ARSD: variants seen among roughly 807,000 people sequenced by gnomAD.
The protein encoded by ARSD is arylsulfatase D.
A neutral mutation model predicts 32.6 loss-of-function variants in ARSD; 21 were observed. That is an observed-to-expected ratio of 0.64 (90% CI 0.46 to 0.93). The LOEUF (loss-of-function observed/expected upper bound fraction) is 0.93. Ranked by LOEUF, ARSD falls within the 40% of genes least tolerant of loss-of-function variation. The pLI is 0.00. For synonymous variants in ARSD, 224 were observed against 237.4 expected (o/e 0.94, Z 0.52); for missense variants, 454 against 520.9 (o/e 0.87, Z 1.25).
At chrX:2,912,992 A>G (rs1428834641) in intron 6 of ARSD, among the ~76,000 whole-genome samples, 1 of 112,050 alleles carries the variant, frequency 8.9e-6, no homozygotes, top group Non-Finnish European at 1.9e-5. Context: ...ATCCATTTAG[A>G]AAGTTTATTT....
At chrX:2,910,211 C>G (rs1312417804) in intron 7 of ARSD, among the ~76,000 whole-genome samples, 1 of 110,225 alleles carries the variant, frequency 9.1e-6, no homozygotes, top group Non-Finnish European at 1.9e-5. Context: ...CTGTTCTAGT[C>G]GATCTATGCT....
Position 2,914,523 on chromosome X carries a change from A to C in ARSD, c.1000+1033T>G. ...CCAAAATGCTGGGATTAAAGGCATGAGCCACCTTGCCCCACCTGAAAATGC... is the reference window on the plus strand; with the variant it reads ...CCAAAATGCTGGGATTAAAGGCATGCGCCACCTTGCCCCACCTGAAAATGC... On this transcript the variant is annotated intron_variant, in intron 6 of 9. Coordinates refer to ENST00000381154, the MANE Select transcript of ARSD (RefSeq NM_001669.4). 4 of 936,532 alleles carry C rather than the reference A, an allele frequency of 4.3e-6. No individual in the cohort carries two copies. In the South Asian group the frequency reaches 1.0e-4, roughly 24 times the overall value. The allele number at this position is 936,532 out of a possible 1,213,427, so 77.2% of individuals were successfully genotyped here. A position where few individuals can be genotyped will look rare whatever the true frequency, so the allele number is the denominator to read the frequency against.
At position 2,907,609 on chromosome X, in the gene ARSD, A is replaced by G; in HGVS notation, c.1444T>C (p.Tyr482His). ...TCGGGGTGGAACTGCGGGGTCGTGT[A>G]ATGAACCTTCCAGACGCTTCCACCT... ...KDSGSVWKVH[Y>H]TTPQFHPEGA... Residue 482 changes from tyrosine to histidine, a missense_variant, in exon 10 of 10, where the codon TAC (tyrosine) becomes CAC (histidine). This residue lies in a region of ARSD where 179 missense variants were observed against 198.5 expected (regional missense o/e 0.90). Transcript: ENST00000381154. 9.0e-7 allele frequency: 1 copy of G among 1,111,046 alleles called. No individual in the cohort carries two copies. The highest frequency in any genetic ancestry group is 2.3e-5 in the South Asian group (1 of 43,803). The allele number at this position is 1,111,046 out of a possible 1,213,427, so 91.6% of individuals were successfully genotyped here. A position where few individuals can be genotyped will look rare whatever the true frequency, so the allele number is the denominator to read the frequency against.
At chrX:2,926,640 C>T (rs2089084971) in intron 1 of ARSD, among the ~76,000 whole-genome samples, 1 of 111,626 alleles carries the variant, frequency 9.0e-6, no homozygotes, top group African/African-American at 3.3e-5. Context: ...ACTGCCACAT[C>T]GTCAAGCTGA....
At chrX:2,920,551 C>T in intron 4 of ARSD, 50 bp downstream of exon 4, 1 of 1,208,436 alleles carries the variant, frequency 8.3e-7, no homozygotes, top group Non-Finnish European at 1.1e-6. Context: ...TCTTTTTTAT[C>T]ACGAATATTC....
rs1464277165 is a variant in ARSD at position 2,921,501 on chromosome X, T to C, written c.316+402A>G. On this transcript the variant is annotated intron_variant, in intron 3 of 9. Coordinates refer to ENST00000381154, the MANE Select transcript of ARSD (RefSeq NM_001669.4). ...TAGATATCTAGCTATCAATCATCCA[T>C]TATCTATCATTATCATCCATCTAGC... is the stretch of plus-strand genomic sequence containing the variant. Among the ~76,000 whole-genome samples, 8 of 112,014 alleles carry C rather than the reference T, an allele frequency of 7.1e-5. No individual in the cohort carries two copies. The East Asian group carries it at 2.2e-3, about 31-fold the overall frequency.
rs951916645 is a variant in ARSD, at chrX:2,921,812, T to C, written c.316+91A>G. 8 of 1,055,644 alleles carry C rather than the reference T, an allele frequency of 7.6e-6. No individual in the cohort carries two copies. In the African/African-American group the frequency reaches 1.1e-4, roughly 15 times the overall value. The allele number at this position is 1,055,644 out of a possible 1,213,427, so 87.0% of individuals were successfully genotyped here. ...CAGGTGATCTTTGTACCATTGCCCCTGTATCTTCACCATCAGTACTCAACT... is the reference window on the plus strand; with the variant it reads ...CAGGTGATCTTTGTACCATTGCCCCCGTATCTTCACCATCAGTACTCAACT... On this transcript the variant is annotated intron_variant, in intron 3 of 9. Coordinates refer to ENST00000381154, the MANE Select transcript of ARSD (RefSeq NM_001669.4).
chrX:2,908,992 T>C (rs2088878870), intron 8 of ARSD, 150 bp from the exon 9 acceptor site: 1 of 881,841 alleles, frequency 1.1e-6, no homozygotes, highest in South Asian at 2.5e-5. Context: ...AGATTACAGG[T>C]TGCTGAGCAG....
At position 2,908,732 on chromosome X, in the gene ARSD, T is replaced by A. The variant is rs1207936329; in HGVS notation, c.1409A>T (p.His470Leu). The change falls in exon 9 of 10, where the codon CAC becomes CTC. Residue 470 changes from histidine to leucine, a missense_variant. Physicochemically the swap from His to Leu is moderately conservative, Grantham distance 99. Transcript: ENST00000381154. ...CGQHLHAARW[H>L]QKDSGSVWKV... ...CAGCAGGTACTCACTGTCCTTCTGG[T>A]GCCAGCGTGCTGCGTGAAGATGCTG... 1 of 1,197,213 alleles carries A rather than the reference T, an allele frequency of 8.4e-7. No individual in the cohort carries two copies. The highest frequency in any genetic ancestry group is 2.2e-5 in the Admixed American group (1 of 44,506).
rs866193404 is a variant in ARSD, at chrX:2,918,472, C to G, written c.440-245G>C. 8.6e-3 allele frequency among the ~76,000 whole-genome samples: 973 copies of G among 112,510 alleles called. 12 individuals are homozygous for G. The highest frequency in any genetic ancestry group is 0.03 in the African/African-American group (931 of 31,050). On this transcript the variant is annotated intron_variant, in intron 4 of 9. Transcript: ENST00000381154. ...TGATTAAAGGTTTAAGACTTTCGGCCGGGCGCGGTGGCTCACGCCTGTAAT... is the reference window on the plus strand; with the variant it reads ...TGATTAAAGGTTTAAGACTTTCGGCGGGGCGCGGTGGCTCACGCCTGTAAT...
chrX:2,908,666 A>G lies in ARSD; in HGVS notation c.1420+55T>C. 4 of 1,122,898 alleles carry G rather than the reference A, an allele frequency of 3.6e-6. No individual in the cohort carries two copies. In the South Asian group the frequency reaches 8.6e-5, roughly 24 times the overall value. 92.5% of individuals were successfully genotyped at this position (1,122,898 alleles called of 1,213,427 possible). ...TCCATCCATCCATCCACATATCCAC[A>G]CATCCTATTGGCTGTTTCTCTGGAC... On this transcript the variant is annotated intron_variant, in intron 9 of 9. Transcript: ENST00000381154.
chrX:2,929,081 C>G lies in ARSD; in HGVS notation c.44+151G>C, dbSNP rs191360881. The G allele has an allele frequency of 2.6e-5, 13 of 501,769 alleles. No homozygotes were observed. In the African/African-American group the frequency reaches 3.0e-4, roughly 12 times the overall value. 41.4% of individuals were successfully genotyped at this position (501,769 alleles called of 1,213,427 possible). On this transcript the variant is annotated intron_variant, in intron 1 of 9. Transcript: ENST00000381154. ...TCCCGGGCACAGAACGCGCCTCCAG[C>G]TACATTTTGGAGACTACAAGGCGCC...
chrX:2,928,946 C>T (rs978825688), intron 1 of ARSD, among the ~76,000 whole-genome samples: 1 of 112,389 alleles, frequency 8.9e-6, no homozygotes. Flanking sequence ...TTCCCTTCCT[C>T]CTTTGTTCTC....
At chrX:2,918,547 G>C (rs1209892506) in intron 4 of ARSD, among the ~76,000 whole-genome samples, 1 of 110,666 alleles carries the variant, frequency 9.0e-6, no homozygotes, top group Non-Finnish European at 1.9e-5. Flanking sequence ...TCAGGAAATC[G>C]AGACCATCCT....
chrX:2,929,204 A>G, intron 1 of ARSD, 28 bp downstream of exon 1: 2 of 1,037,052 alleles, frequency 1.9e-6, no homozygotes, highest in Non-Finnish European at 2.5e-6. Context: ...AGGCCTTAGT[A>G]TGGGCCGCGT....
chrX:2,915,298 G>T (rs1292658915), intron 6 of ARSD, among the ~76,000 whole-genome samples: 1 of 111,435 alleles, frequency 9.0e-6, no homozygotes, highest in Non-Finnish European at 1.9e-5. Context: ...GGGACTACAG[G>T]TGTGCACCAC....
chrX:2,928,685 G>A (rs1461983211), intron 1 of ARSD, among the ~76,000 whole-genome samples: 1 of 98,297 alleles, frequency 1.0e-5, no homozygotes, highest in African/African-American at 3.8e-5. Flanking sequence ...GGGGTTGGGG[G>A]CGGGACGGGG....
chrX:2,914,308 T>C (rs2088930940), intron 6 of ARSD: 1 of 611,210 alleles, frequency 1.6e-6, no homozygotes, highest in Admixed American at 8.0e-5. Flanking sequence ...TTATAGCTCA[T>C]TGCAGCCTCA....
At chrX:2,908,968 T>G in intron 8 of ARSD, 126 bp from the exon 9 acceptor site, 1 of 1,007,821 alleles carries the variant, frequency 9.9e-7, no homozygotes, top group Non-Finnish European at 1.3e-6. Flanking sequence ...GAGCTGTCTC[T>G]CCAGTCGCTG....
Sources: gnomAD v4.1 joint callset for allele counts (sites outside exome capture counted in the v4.1 genomes callset) on GRCh38, gnomAD v4.1.1 for gene constraint, gnomAD v4.1.1 regional missense constraint, MANE v1.5 for transcripts, NCBI Gene and HGNC (gene_info 2026-07-23, HGNC 2026-07-21) for gene names.